WDR25: variants seen among roughly 807,000 people sequenced by gnomAD.
WDR25 encodes WD repeat-containing protein 25.
Under a neutral mutation model 47.7 loss-of-function variants are expected in WDR25, and 35 were observed. The observed-to-expected ratio is 0.73, with a 90% CI of 0.56 to 0.97. The LOEUF is 0.97. Among genes scored for constraint, WDR25 ranks in the 50% least tolerant of loss-of-function variants. The probability of loss-of-function intolerance (pLI) is 0.00; values close to 1 mark genes in which losing one functional copy is unlikely to be tolerated. For missense variants in WDR25, 634 were observed against 704.7 expected, an observed-to-expected ratio of 0.90 and a Z score of 1.14; for synonymous variants, 248 against 278.9, an observed-to-expected ratio of 0.89 and a Z score of 1.10.
intron 2 of WDR25, among the ~76,000 whole-genome samples, chr14:100,385,023 A>G (rs4379994): frequency 0.18 from 27,870 of 152,152 alleles, 2,708 homozygotes; most frequent in Non-Finnish European, 0.21. Flanking sequence ...ACCAAGTGCA[A>G]TGCCTGGCAC....
At chr14:100,511,459 T>C (rs1258484795) in intron 4 of WDR25, among the ~76,000 whole-genome samples, 2 of 152,226 alleles carry the variant, frequency 1.3e-5, no homozygotes, top group East Asian at 1.9e-4. Flanking sequence ...GATAATCATG[T>C]TGTCTGTTAA....
In WDR25 at chr14:100,525,549, G is replaced by A. The variant is rs1566949394; in HGVS notation, c.1102-321G>A. On this transcript the variant is annotated intron_variant, in intron 4 of 6. Coordinates refer to ENST00000402312, the MANE Select transcript of WDR25 (RefSeq NM_001161476.3). The surrounding 1 kb of genome is among the most constrained non-coding windows in gnomAD (Gnocchi z 4.6). ...TGTTGATGGATGTCAATATGCTCTC[G>A]AGGTGCCCTTGGCGAGTCAAGGCCC... Among the ~76,000 whole-genome samples, 1 of 152,116 alleles carries A rather than the reference G, an allele frequency of 6.6e-6. No individual in the cohort carries two copies. Among genetic ancestry groups the A allele is most frequent in the South Asian group, 2.1e-4 (1 of 4,826 alleles).
At chr14:100,471,926 G>A (rs941340166) in intron 3 of WDR25, among the ~76,000 whole-genome samples, 26 of 152,182 alleles carry the variant, frequency 1.7e-4, no homozygotes, top group African/African-American at 5.6e-4. Flanking sequence ...TCTGTGGCAC[G>A]TTAGGCTGAG....
At chr14:100,472,166 A>G (rs1899860931) in intron 3 of WDR25, among the ~76,000 whole-genome samples, 1 of 152,052 alleles carries the variant, frequency 6.6e-6, no homozygotes, top group Non-Finnish European at 1.5e-5. Context: ...TCTGTCCTTT[A>G]CCTTTGATGG....
intron 4 of WDR25, among the ~76,000 whole-genome samples, chr14:100,503,174 C>T (rs1900994866): frequency 6.6e-6 from 1 of 151,824 alleles, no homozygotes; most frequent in African/African-American, 2.4e-5. Context: ...AGGTTGTGAC[C>T]CAGAGCTGAA....
At chr14:100,447,582 C>T (rs1302151560) in intron 2 of WDR25, among the ~76,000 whole-genome samples, 6 of 152,236 alleles carry the variant, frequency 3.9e-5, no homozygotes, top group Middle Eastern at 3.4e-3. Flanking sequence ...AGCCAGCTGC[C>T]ACCCAGACTT....
chr14:100,438,681 T>G (rs903622411), intron 2 of WDR25, among the ~76,000 whole-genome samples: 22 of 152,222 alleles, frequency 1.4e-4, no homozygotes, highest in African/African-American at 4.6e-4. Context: ...ATTCTCTGGC[T>G]TTTTCATCCA....
At chr14:100,382,701 A>T (rs1232606435) in intron 2 of WDR25, among the ~76,000 whole-genome samples, 1 of 152,166 alleles carries the variant, frequency 6.6e-6, no homozygotes, top group African/African-American at 2.4e-5. Context: ...AGCACCTGAT[A>T]TGTAGCGGGT....
rs1169847208 is a variant in WDR25 at position 100,502,494 on chromosome 14, C to T, written c.1101+18370C>T. On this transcript the variant is annotated intron_variant, in intron 4 of 6. Coordinates refer to ENST00000402312, the MANE Select transcript of WDR25 (RefSeq NM_001161476.3). This position sits in a 1 kb window ranked among gnomAD's most constrained non-coding sequence, Gnocchi z 4.5. The stretch of plus-strand genomic sequence containing the variant: ...GCTCCCTCTCCTGGAGCTGGGGGAG[C>T]TGGGGGACCCAAGACACTCACAGGC... Among the ~76,000 whole-genome samples the T allele has an allele frequency of 6.6e-6, 1 of 152,230 alleles. No individual in the cohort carries two copies. Among genetic ancestry groups the T allele is most frequent in the African/African-American group, 2.4e-5 (1 of 41,466 alleles).
At chr14:100,514,746 A>C (rs1241361605) in intron 4 of WDR25, among the ~76,000 whole-genome samples, 3 of 152,074 alleles carry the variant, frequency 2.0e-5, no homozygotes, top group Non-Finnish European at 2.9e-5. Flanking sequence ...ATAATTTTAA[A>C]AATATTTTAA....
At chr14:100,419,799 C>T (rs1199385737) in intron 2 of WDR25, among the ~76,000 whole-genome samples, 3 of 152,216 alleles carry the variant, frequency 2.0e-5, no homozygotes. Flanking sequence ...ACAGGCAGTT[C>T]ATGCCCCTGG....
intron 2 of WDR25, among the ~76,000 whole-genome samples, chr14:100,389,307 G>C (rs973683773): frequency 9.9e-5 from 15 of 152,216 alleles, no homozygotes; most frequent in Admixed American, 7.2e-4. Flanking sequence ...CATATGGTAG[G>C]TACTTTGTTT....
intron 2 of WDR25, among the ~76,000 whole-genome samples, chr14:100,384,781 T>G (rs1896982935): frequency 6.6e-6 from 1 of 151,798 alleles, no homozygotes; most frequent in Admixed American, 6.6e-5. Flanking sequence ...TGCCTTTTGG[T>G]TAAAATCTGC....
chr14:100,459,340 C>T (rs1899300923), intron 2 of WDR25, among the ~76,000 whole-genome samples: 1 of 151,994 alleles, frequency 6.6e-6, no homozygotes, highest in Non-Finnish European at 1.5e-5. Flanking sequence ...AATAGATAAC[C>T]CCCAAAGCCT....
chr14:100,376,847 C>T (rs1896698838), intron 1 of WDR25: 2 of 943,170 alleles, frequency 2.1e-6, no homozygotes, highest in South Asian at 5.6e-5. Context: ...TGGGAATATC[C>T]TATTTCTTTT....
intron 3 of WDR25, among the ~76,000 whole-genome samples, chr14:100,474,615 A>G (rs1899956778): frequency 6.6e-6 from 1 of 152,214 alleles, no homozygotes; most frequent in Non-Finnish European, 1.5e-5. Context: ...AAACCAACTT[A>G]CTAGTAAAGC....
intron 2 of WDR25, chr14:100,455,536 T>G (rs184888831): frequency 9.0e-4 from 135 of 150,322 alleles, no homozygotes; most frequent in African/African-American, 3.2e-3. Context: ...GTTTCTTTTT[T>G]AAAAGAAAAA....
intron 2 of WDR25, among the ~76,000 whole-genome samples, chr14:100,395,981 T>G (rs965249384): frequency 6.7e-6 from 1 of 149,820 alleles, no homozygotes; most frequent in East Asian, 1.9e-4. Context: ...TGTTTTTTTT[T>G]TTTTTTTTTT....
chr14:100,513,265 C>T (rs1444432168), intron 4 of WDR25, among the ~76,000 whole-genome samples: 2 of 152,120 alleles, frequency 1.3e-5, no homozygotes, highest in Admixed American at 6.5e-5. Flanking sequence ...GGGTAGATTA[C>T]GTCATGAGGG....
Sources: gnomAD v4.1 joint callset for allele counts (sites outside exome capture counted in the v4.1 genomes callset) on GRCh38, gnomAD v4.1.1 for gene constraint, Gnocchi (gnomAD v3.1) non-coding constraint, MANE v1.5 for transcripts, NCBI Gene and HGNC (gene_info 2026-07-23, HGNC 2026-07-21) for gene names.